ETS1: variants seen among roughly 807,000 people sequenced by gnomAD.
ETS1 encodes ETS proto-oncogene 1, transcription factor, also known as protein C-ets-1.
Under a neutral mutation model 58.6 loss-of-function variants are expected in ETS1, and 15 were observed. The ratio of observed to expected loss-of-function variants is 0.26; its 90% CI spans 0.17 to 0.39. The LOEUF is 0.39. Among genes scored for constraint, ETS1 ranks in the 10% least tolerant of loss-of-function variants. ETS1 has a pLI of 1.00. For missense variants in ETS1, 417 were observed against 610.5 expected, an observed-to-expected ratio of 0.68 and a Z score of 3.34; for synonymous variants, 214 against 218.2, an observed-to-expected ratio of 0.98 and a Z score of 0.17.
At chr11:128,576,717 G>A (rs1404891527) in intron 1 of ETS1, among the ~76,000 whole-genome samples, 4 of 148,404 alleles carry the variant, frequency 2.7e-5, no homozygotes, top group Non-Finnish European at 5.9e-5. Context: ...GCCCCCTCTC[G>A]CCGTGACCCC....
At chr11:128,543,105 A>G (rs1024707980) in intron 3 of ETS1, among the ~76,000 whole-genome samples, 1 of 151,740 alleles carries the variant, frequency 6.6e-6, no homozygotes, top group Non-Finnish European at 1.5e-5. Flanking sequence ...AGACAGGAGA[A>G]TTGCTTGAAC....
intron 7 of ETS1, 146 bp from the exon 8 acceptor site, chr11:128,480,597 A>G (rs1020768063): frequency 3.2e-6 from 2 of 630,888 alleles, no homozygotes; most frequent in Admixed American, 5.7e-5. Context: ...TGGGAACAGA[A>G]GCTTCAGGGG....
intron 3 of ETS1, among the ~76,000 whole-genome samples, chr11:128,519,485 A>T (rs1198018042): frequency 1.3e-5 from 2 of 152,250 alleles, no homozygotes; most frequent in Non-Finnish European, 2.9e-5. Context: ...ACAGCTGTGG[A>T]TAAAAAGCTA....
chr11:128,508,783 A>C (rs1863310315), intron 3 of ETS1, among the ~76,000 whole-genome samples: 1 of 152,238 alleles, frequency 6.6e-6, no homozygotes, highest in South Asian at 2.1e-4. Context: ...AAGATTCGTA[A>C]AGAGATTTGT....
Position 128,585,363 on chromosome 11 carries a change from G to GGAAGGAA in ETS1, c.-15+2124_-15+2125insTTCCTTC, listed in dbSNP as rs1201264226. On this transcript the variant is annotated intron_variant, in intron 1 of 9. Coordinates refer to ENST00000392668, the MANE Select transcript of ETS1 (RefSeq NM_001143820.2). Reference sequence around the variant, plus strand: ...AGGAAGGAAGCAAGGAAGGAAGGAAGGGTCCCAGCTCGTGGGACGTAATCA... The same window carrying GGAAGGAA: ...AGGAAGGAAGCAAGGAAGGAAGGAAGGAAGGAAGGTCCCAGCTCGTGGGACGTAATCA... Among the ~76,000 whole-genome samples, 14 of 151,896 alleles carry GGAAGGAA rather than the reference G, an allele frequency of 9.2e-5. 1 individual carries two copies. The highest frequency in any genetic ancestry group is 1.0e-4 in the Non-Finnish European group (7 of 67,884).
intron 1 of ETS1, among the ~76,000 whole-genome samples, chr11:128,574,807 G>T (rs76173088): frequency 6.6e-6 from 1 of 152,212 alleles, no homozygotes; most frequent in African/African-American, 2.4e-5. Context: ...CCACTTCAAA[G>T]TTTTTGATCT....
At chr11:128,532,719 G>T in intron 3 of ETS1, among the ~76,000 whole-genome samples, 1 of 151,684 alleles carries the variant, frequency 6.6e-6, no homozygotes, top group East Asian at 1.9e-4. Context: ...ACACAATACT[G>T]TTCTTGTTCT....
intron 3 of ETS1, among the ~76,000 whole-genome samples, chr11:128,542,761 T>C (rs1864075041): frequency 6.6e-6 from 1 of 152,202 alleles, no homozygotes; most frequent in Admixed American, 6.5e-5. Flanking sequence ...CTGAGGTATC[T>C]GTGTGTGACT....
In ETS1 at chr11:128,489,351, G is replaced by A. The variant is rs772398305; in HGVS notation, c.474C>T (p.Leu158=). ...ALCALGKDCF[L]ELAPDFVGDI... ...CCCCAACAAAGTCTGGGGCCAGCTC[G>A]AGAAAGCAGTCTTTACCCAGGGCGC... Residue 158 remains leucine, a synonymous_variant, in exon 5 of 10, where the codon CTC becomes CTT. Transcript: ENST00000392668. The A allele has an allele frequency of 1.4e-5, 23 of 1,614,050 alleles. No homozygotes were observed. The highest frequency in any genetic ancestry group is 1.0e-4 in the Admixed American group (6 of 60,002).
intron 1 of ETS1, among the ~76,000 whole-genome samples, chr11:128,586,450 C>T (rs1011736789): frequency 1.3e-5 from 2 of 152,156 alleles, no homozygotes; most frequent in African/African-American, 4.8e-5. Flanking sequence ...AAAAATAGGC[C>T]ACCAAACCCA....
intron 3 of ETS1, among the ~76,000 whole-genome samples, chr11:128,517,528 G>A (rs1458493506): frequency 1.3e-5 from 2 of 152,158 alleles, no homozygotes; most frequent in Admixed American, 6.5e-5. Context: ...GGCTCGATGT[G>A]TGCTTCAGAA....
At chr11:128,573,211 G>T (rs1477649011) in intron 1 of ETS1, 67 bp from the exon 2 acceptor site, 2 of 1,118,964 alleles carry the variant, frequency 1.8e-6, no homozygotes, top group African/African-American at 1.5e-5. Context: ...AATACACAAG[G>T]AAGACACGAA....
chr11:128,570,951 T>C (rs550389415), intron 2 of ETS1, among the ~76,000 whole-genome samples: 6 of 152,276 alleles, frequency 3.9e-5, no homozygotes, highest in South Asian at 2.1e-4. Flanking sequence ...CGTCTAAACC[T>C]TTTTCTGATT....
At chr11:128,524,374 A>G (rs1202956808) in intron 3 of ETS1, among the ~76,000 whole-genome samples, 1 of 152,246 alleles carries the variant, frequency 6.6e-6, no homozygotes, top group Non-Finnish European at 1.5e-5. Flanking sequence ...TGCGTAAAGC[A>G]GCAGTTTGGA....
chr11:128,466,266 C>A (rs893927187), intron 8 of ETS1, among the ~76,000 whole-genome samples: 1 of 152,194 alleles, frequency 6.6e-6, no homozygotes, highest in African/African-American at 2.4e-5. Context: ...ACCTCTCTCC[C>A]ACTATCTGAA....
intron 1 of ETS1, among the ~76,000 whole-genome samples, chr11:128,581,719 A>G (rs976079167): frequency 4.6e-5 from 7 of 152,308 alleles, no homozygotes; most frequent in Middle Eastern, 3.4e-3. Flanking sequence ...AATGCTGCCA[A>G]TGAAACCTCT....
chr11:128,480,556 T>A, intron 7 of ETS1, 105 bp from the exon 8 acceptor site: 1 of 767,382 alleles, frequency 1.3e-6, no homozygotes, highest in African/African-American at 1.7e-5. Flanking sequence ...TAATCAGATC[T>A]GCAGGAAGGA....
intron 1 of ETS1, among the ~76,000 whole-genome samples, chr11:128,584,086 G>T (rs1426504143): frequency 6.6e-6 from 1 of 152,096 alleles, no homozygotes; most frequent in African/African-American, 2.4e-5. Context: ...GTTTGGTATG[G>T]TCTCCAGCAC....
At chr11:128,580,238 G>T (rs1591678855) in intron 1 of ETS1, among the ~76,000 whole-genome samples, 1 of 149,756 alleles carries the variant, frequency 6.7e-6, no homozygotes, top group Non-Finnish European at 1.5e-5. Context: ...GTGACCCTGA[G>T]GTTAGGCTTC....
Sources: gnomAD v4.1 joint callset for allele counts (sites outside exome capture counted in the v4.1 genomes callset) on GRCh38, gnomAD v4.1.1 for gene constraint, MANE v1.5 for transcripts, NCBI Gene and HGNC (gene_info 2026-07-23, HGNC 2026-07-21) for gene names.